The following NARF variants were observed in gnomAD, a reference collection of about 807,000 sequenced individuals.
NARF encodes the protein nuclear prelamin A recognition factor, also known as iron-only hydrogenase-like protein 2.
NARF carries 41 observed loss-of-function variants against 48.0 expected under a neutral mutation model. The ratio of observed to expected loss-of-function variants is 0.85; its 90% confidence interval spans 0.66 to 1.11. The LOEUF is 1.11. Among genes scored for constraint, NARF ranks in the 50% least tolerant of loss-of-function variants. The pLI, the probability that NARF is intolerant of heterozygous loss-of-function variation, is 0.00. For synonymous variants in NARF, 215 were observed against 225.5 expected, an observed-to-expected ratio of 0.95 and a Z score of 0.42; for missense variants, 613 against 590.2, an observed-to-expected ratio of 1.04 and a Z score of -0.40.
chr17:82,483,836 C>G, intron 8 of NARF, 57 bp downstream of exon 8: 1 of 1,526,382 alleles, frequency 6.6e-7, no homozygotes, highest in Non-Finnish European at 9.1e-7. Context: ...GTCAGCCCTG[C>G]CAGCCACCTG....
rs778020385 is a variant in NARF, at chr17:82,458,771, G to C, written c.-33G>C. 8.2e-6 allele frequency: 12 copies of C among 1,468,382 alleles called. No individual in the cohort carries two copies. In the Admixed American group the frequency reaches 1.9e-4, roughly 23 times the overall value. 91.0% of individuals were successfully genotyped at this position (1,468,382 alleles called of 1,614,324 possible). ...AGTCTCCCGGTGCTTCCCTGAGGCT[G>C]AGGCGCCCGGCCTCCCGCCCGCCGC... On this transcript the variant is annotated 5_prime_UTR_variant, in exon 1 of 11. Transcript: ENST00000309794.
chr17:82,471,993 G>A (rs1188016694), intron 4 of NARF, among the ~76,000 whole-genome samples: 1 of 151,972 alleles, frequency 6.6e-6, no homozygotes, highest in African/African-American at 2.4e-5. Flanking sequence ...GCATGAGAGA[G>A]AACATACATA....
chr17:82,484,681 A>T, intron 8 of NARF, 132 bp from the exon 9 acceptor site: 3 of 1,136,568 alleles, frequency 2.6e-6, no homozygotes, highest in Non-Finnish European at 3.6e-6. Context: ...TGCAAAGTTT[A>T]AACATCTGTA....
intron 5 of NARF, chr17:82,478,508 G>A (rs2043884951): frequency 4.0e-6 from 2 of 494,336 alleles, no homozygotes; most frequent in South Asian, 1.6e-5. Context: ...TTCAGTGCTT[G>A]TTCCCCTTCA....
chr17:82,484,569 A>G, intron 8 of NARF: 1 of 393,944 alleles, frequency 2.5e-6, no homozygotes, highest in Non-Finnish European at 4.5e-6. Context: ...GAGCACCTGC[A>G]AGAGCCTGTG....
At position 82,486,399 on chromosome 17, in the gene NARF, C is replaced by T. The variant is rs140962329; in HGVS notation, c.1129+745C>T. Among the ~76,000 whole-genome samples the T allele has an allele frequency of 3.7e-3, 567 of 152,218 alleles. 2 individuals carry two copies. The highest frequency in any genetic ancestry group is 0.013 in the African/African-American group (535 of 41,522). Reference sequence around the variant, plus strand: ...GCCGGGTGCAGGTCAGTTGGAGGAGCGGCTCCACTGATGTTAGACAAGTGG... The same window carrying T: ...GCCGGGTGCAGGTCAGTTGGAGGAGTGGCTCCACTGATGTTAGACAAGTGG... On this transcript the variant is annotated intron_variant, in intron 10 of 10. Coordinates refer to ENST00000309794, the MANE Select transcript of NARF (RefSeq NM_012336.4).
Position 82,488,184 on chromosome 17 carries a change from C to G in NARF, c.*27C>G. 1 of 1,606,550 alleles carries G rather than the reference C, an allele frequency of 6.2e-7. No homozygotes were observed. On this transcript the variant is annotated 3_prime_UTR_variant, in exon 11 of 11. Transcript: ENST00000309794. ...GTCAGGCCAGGGCCTTCCAGCTGCT[C>G]TTGGGGCCAGAGCCAAGAGCCTCTC...
chr17:82,474,155 T>C (rs1280325698), intron 5 of NARF, among the ~76,000 whole-genome samples: 1 of 152,204 alleles, frequency 6.6e-6, no homozygotes, highest in East Asian at 1.9e-4. Flanking sequence ...TACTCCAGCC[T>C]GGGCGAAAGA....
At chr17:82,458,630 C>T (rs1409267982), upstream of NARF, 2 of 791,294 alleles carry the variant, frequency 2.5e-6, no homozygotes, top group Non-Finnish European at 3.6e-6. Flanking sequence ...TCCTATTGGC[C>T]CAGGGGTGCG....
At position 82,490,136 on chromosome 17, in the gene NARF, T is replaced by G. The variant is rs1164454852; in HGVS notation, c.*1979T>G. The G allele has an allele frequency of 3.3e-5, 5 of 152,270 alleles. No individual in the cohort carries two copies. Among genetic ancestry groups the G allele is most frequent in the African/African-American group, 1.2e-4 (5 of 41,460 alleles). The allele number at this position is 152,270 out of a possible 1,614,324, so 9.4% of individuals were successfully genotyped here. A position where few individuals can be genotyped will look rare whatever the true frequency, so the allele number is the denominator to read the frequency against. On this transcript the variant is annotated 3_prime_UTR_variant, in exon 11 of 11. Transcript: ENST00000309794. Reference sequence around the variant, plus strand: ...AGCCACTGCACCTGGCAAAAAATTTTTTTTTAAAAAGGAGAAAGCAGTTTA... The same window carrying G: ...AGCCACTGCACCTGGCAAAAAATTTGTTTTTAAAAAGGAGAAAGCAGTTTA...
At chr17:82,481,973 G>A (rs901247507) in intron 7 of NARF, 2 of 309,388 alleles carry the variant, frequency 6.5e-6, no homozygotes, top group African/African-American at 2.3e-5. Flanking sequence ...CCACGGTATT[G>A]GCCACTCCTT....
chr17:82,477,531 A>C (rs112841634), intron 5 of NARF: 4,589 of 152,204 alleles, frequency 0.03, 240 homozygotes, highest in African/African-American at 0.1. Flanking sequence ...CCAAAAAAAC[A>C]ACACAGAGTC....
At chr17:82,469,413 C>G (rs1479888415) in intron 4 of NARF, among the ~76,000 whole-genome samples, 3 of 152,188 alleles carry the variant, frequency 2.0e-5, no homozygotes, top group Non-Finnish European at 4.4e-5. Flanking sequence ...TGGAATAGTA[C>G]TACCTGAAAT....
Position 82,478,553 on chromosome 17 carries a change from T to C in NARF, c.521-247T>C, listed in dbSNP as rs1247757947. ...GGGACCTGTTACTCCGACTCTTACT[T>C]GTCTGTCGGCCTTGCAGGGATGCTC... is the stretch of plus-strand genomic sequence containing the variant. On this transcript the variant is annotated intron_variant, in intron 5 of 10. Coordinates refer to ENST00000309794, the MANE Select transcript of NARF (RefSeq NM_012336.4). 1.0e-5 allele frequency: 6 copies of C among 590,330 alleles called. No individual in the cohort carries two copies. The East Asian group carries it at 2.2e-4, about 22-fold the overall frequency. The allele number at this position is 590,330 out of a possible 1,614,324, so 36.6% of individuals were successfully genotyped here.
chr17:82,474,187 A>G (rs2143894350), intron 5 of NARF, among the ~76,000 whole-genome samples: 1 of 152,326 alleles, frequency 6.6e-6, no homozygotes, highest in African/African-American at 2.4e-5. Flanking sequence ...TCTCTTAAGA[A>G]AATCCGTTTT....
At chr17:82,469,234 C>A (rs758789188) in intron 4 of NARF, among the ~76,000 whole-genome samples, 6 of 152,190 alleles carry the variant, frequency 3.9e-5, no homozygotes, top group Non-Finnish European at 7.3e-5. Flanking sequence ...CACCCCTTAC[C>A]CCCAGAGGGT....
intron 4 of NARF, among the ~76,000 whole-genome samples, chr17:82,470,191 G>A (rs1013821073): frequency 1.3e-5 from 2 of 152,180 alleles, no homozygotes; most frequent in Non-Finnish European, 2.9e-5. Flanking sequence ...GATGCTCCCT[G>A]TGCCCTAGGC....
At chr17:82,480,980 A>G in intron 6 of NARF, 102 bp from the exon 7 acceptor site, 2 of 1,415,444 alleles carry the variant, frequency 1.4e-6, no homozygotes, top group Non-Finnish European at 2.0e-6. Context: ...GGAGGGCAGC[A>G]GCAGGGGGCA....
intron 4 of NARF, among the ~76,000 whole-genome samples, chr17:82,471,470 A>G (rs2143874561): frequency 6.7e-6 from 1 of 149,678 alleles, no homozygotes; most frequent in South Asian, 2.1e-4. Context: ...AAAAAAAAAA[A>G]ATTCAGTATA....
Sources: gnomAD v4.1 joint callset for allele counts (sites outside exome capture counted in the v4.1 genomes callset) on GRCh38, gnomAD v4.1.1 for gene constraint, MANE v1.5 for transcripts, NCBI Gene and HGNC (gene_info 2026-07-23, HGNC 2026-07-21) for gene names.